The following SLC10A7 variants were observed in gnomAD, a reference collection of about 807,000 sequenced individuals.
SLC10A7 encodes sodium/bile acid cotransporter 7.
A neutral mutation model predicts 43.2 loss-of-function variants in SLC10A7; 29 were observed. The observed-to-expected ratio is 0.67, with a 90% CI of 0.50 to 0.92. The LOEUF is 0.92. Ranked by LOEUF, SLC10A7 falls within the 40% of genes least tolerant of loss-of-function variation. SLC10A7 has a pLI of 0.00. For missense variants in SLC10A7, 295 were observed against 403.2 expected (o/e 0.73, Z 2.30); for synonymous variants, 152 against 144.8 (o/e 1.05, Z -0.35).
At chr4:146,383,412 C>T (rs1579048289) in intron 5 of SLC10A7, among the ~76,000 whole-genome samples, 1 of 152,024 alleles carries the variant, frequency 6.6e-6, no homozygotes, top group African/African-American at 2.4e-5. Context: ...GGGTGTACAC[C>T]GAGTAAATAA....
chr4:146,425,907 C>T (rs551946797), intron 5 of SLC10A7, among the ~76,000 whole-genome samples: 1 of 152,336 alleles, frequency 6.6e-6, no homozygotes, highest in Admixed American at 6.5e-5. Flanking sequence ...CTCCCTACCT[C>T]TGCTTCCTCT....
intron 5 of SLC10A7, among the ~76,000 whole-genome samples, chr4:146,439,576 C>T (rs777521027): frequency 1.3e-5 from 2 of 152,088 alleles, no homozygotes; most frequent in Non-Finnish European, 2.9e-5. Context: ...TCCATAGTCA[C>T]ACCCACAAAC....
intron 5 of SLC10A7, among the ~76,000 whole-genome samples, chr4:146,328,830 A>G (rs962833310): frequency 7.2e-5 from 11 of 152,232 alleles, no homozygotes; most frequent in Non-Finnish European, 1.2e-4. Context: ...TTCTTTCCCT[A>G]CTAAAGCCAA....
At chr4:146,367,541 A>G (rs886927139) in intron 5 of SLC10A7, among the ~76,000 whole-genome samples, 2 of 152,164 alleles carry the variant, frequency 1.3e-5, no homozygotes, top group South Asian at 2.1e-4. Context: ...GTCCTTTTCA[A>G]TGGAGACACT....
chr4:146,516,937 G>T, intron 2 of SLC10A7, 101 bp downstream of exon 2: 1 of 860,200 alleles, frequency 1.2e-6, no homozygotes, highest in Non-Finnish European at 1.8e-6. Flanking sequence ...GAATCCTTCA[G>T]ATTATAGCTA....
In SLC10A7 at chr4:146,501,076, C is replaced by T. The variant is rs776839709; in HGVS notation, c.396+2773G>A. On this transcript the variant is annotated intron_variant, in intron 4 of 11. Coordinates refer to ENST00000335472, the MANE Select transcript of SLC10A7 (RefSeq NM_001029998.6). ...TCTCTGTTGCCTTTGCTGGTTATTC[C>T]TCATTCCCTTGACCTCTTAATGTTG... 4.6e-4 allele frequency among the ~76,000 whole-genome samples: 70 copies of T among 152,222 alleles called. 1 individual carries two copies. Among genetic ancestry groups the T allele is most frequent in the Middle Eastern group, 3.4e-3 (1 of 294 alleles).
intron 10 of SLC10A7, among the ~76,000 whole-genome samples, chr4:146,275,274 T>G (rs1729134510): frequency 6.6e-6 from 1 of 152,200 alleles, no homozygotes; most frequent in Non-Finnish European, 1.5e-5. Context: ...TCCAAAGGGC[T>G]CAAGATTCTA....
chr4:146,290,782 C>T (rs545881285), intron 9 of SLC10A7, among the ~76,000 whole-genome samples: 1 of 152,192 alleles, frequency 6.6e-6, no homozygotes, highest in South Asian at 2.1e-4. Context: ...ATCACCTGAG[C>T]CCATGAGTTT....
At chr4:146,436,825 C>CT (rs1186097302) in intron 5 of SLC10A7, among the ~76,000 whole-genome samples, 1 of 151,916 alleles carries the variant, frequency 6.6e-6, no homozygotes, top group Admixed American at 6.6e-5. Context: ...TTAATAGTAG[C>CT]TTTTTTTTCC....
intron 5 of SLC10A7, among the ~76,000 whole-genome samples, chr4:146,349,971 C>T (rs1370302926): frequency 1.3e-5 from 2 of 151,944 alleles, no homozygotes; most frequent in African/African-American, 4.8e-5. Context: ...TACATGTACC[C>T]CCACAAATCT....
chr4:146,337,521 TGTA>T (rs143724951), intron 5 of SLC10A7, among the ~76,000 whole-genome samples: 14,595 of 152,028 alleles, frequency 0.096, 849 homozygotes, highest in South Asian at 0.18. Context: ...CATAGGAGCT[TGTA>T]GTATTTCTTG....
At chr4:146,318,476 C>G (rs1284890389) in intron 6 of SLC10A7, among the ~76,000 whole-genome samples, 1 of 152,058 alleles carries the variant, frequency 6.6e-6, no homozygotes, top group East Asian at 1.9e-4. Flanking sequence ...CTCAGTGTTC[C>G]TCCTAAGTCA....
At chr4:146,506,908 A>C (rs1736963437) in intron 3 of SLC10A7, among the ~76,000 whole-genome samples, 1 of 152,204 alleles carries the variant, frequency 6.6e-6, no homozygotes, top group Non-Finnish European at 1.5e-5. Context: ...TAAACTAAGC[A>C]TGTCTAATAT....
chr4:146,363,628 A>T (rs922683738), intron 5 of SLC10A7, among the ~76,000 whole-genome samples: 1 of 152,162 alleles, frequency 6.6e-6, no homozygotes, highest in African/African-American at 2.4e-5. Flanking sequence ...CAAACAATTT[A>T]AAAAAATGAA....
intron 7 of SLC10A7, among the ~76,000 whole-genome samples, chr4:146,298,386 G>T (rs1456430564): frequency 1.3e-5 from 2 of 152,078 alleles, no homozygotes; most frequent in Admixed American, 1.3e-4. Flanking sequence ...TGCTATAAGT[G>T]TAAAACTCTA....
chr4:146,474,563 C>G (rs1733871390), intron 4 of SLC10A7, among the ~76,000 whole-genome samples: 1 of 151,922 alleles, frequency 6.6e-6, no homozygotes, highest in South Asian at 2.1e-4. Flanking sequence ...CTAGTTATGC[C>G]ATCACTAAGA....
At chr4:146,475,619 A>T (rs900977407) in intron 4 of SLC10A7, among the ~76,000 whole-genome samples, 1 of 152,210 alleles carries the variant, frequency 6.6e-6, no homozygotes, top group African/African-American at 2.4e-5. Context: ...TGGACAACTT[A>T]AGCGTCAAAG....
chr4:146,342,684 T>C (rs1460764281), intron 5 of SLC10A7, among the ~76,000 whole-genome samples: 3 of 151,752 alleles, frequency 2.0e-5, no homozygotes, highest in Non-Finnish European at 4.4e-5. Flanking sequence ...TTTATAATAC[T>C]ACTTAAACCA....
At chr4:146,504,918 G>A (rs201732110) in intron 3 of SLC10A7, among the ~76,000 whole-genome samples, 2 of 152,104 alleles carry the variant, frequency 1.3e-5, no homozygotes, top group Non-Finnish European at 2.9e-5. Context: ...CTTAGTTTAG[G>A]ACAGAAAATA....
Sources: allele counts gnomAD v4.1 joint callset (sites outside exome capture counted in the v4.1 genomes callset), GRCh38; gene constraint gnomAD v4.1.1; transcripts MANE v1.5; gene names NCBI Gene and HGNC (gene_info 2026-07-23, HGNC 2026-07-21).